RCAN2: variants seen among roughly 807,000 people sequenced by gnomAD.
RCAN2 encodes the protein calcipressin-2.
In RCAN2, 9 loss-of-function variants were observed where a neutral mutation model predicts 23.6. That is an observed-to-expected ratio of 0.38 (90% CI 0.23 to 0.67). The LOEUF (loss-of-function observed/expected upper bound fraction) is 0.67. RCAN2 is among the 30% of genes least tolerant of loss of function. The pLI, the probability that RCAN2 is intolerant of heterozygous loss-of-function variation, is 0.51. For synonymous variants in RCAN2, 109 were observed against 115.7 expected (o/e 0.94, Z 0.37); for missense variants, 273 against 302.3 (o/e 0.90, Z 0.72).
At chr6:46,241,343 TCTAGGTCA>T (rs1361495926) in intron 4 of RCAN2, among the ~76,000 whole-genome samples, 2 of 152,206 alleles carry the variant, frequency 1.3e-5, no homozygotes, top group Non-Finnish European at 2.9e-5. Flanking sequence ...TCTTATTCTG[TCTAGGTCA>T]CTGTTAAACT....
chr6:46,292,802 C>T (rs536199254), intron 2 of RCAN2, among the ~76,000 whole-genome samples: 2 of 152,092 alleles, frequency 1.3e-5, no homozygotes, highest in Non-Finnish European at 2.9e-5. Context: ...ATACATGTGC[C>T]ATGGTGGTTT....
At chr6:46,455,390 G>C (rs9367247) in intron 2 of RCAN2, among the ~76,000 whole-genome samples, 77,342 of 151,824 alleles carry the variant, frequency 0.51, 20,019 homozygotes, top group East Asian at 0.61. Context: ...GGATGGTTTT[G>C]TCTGTGGCTA....
chr6:46,417,568 C>T (rs1340204044), intron 2 of RCAN2, among the ~76,000 whole-genome samples: 1 of 152,140 alleles, frequency 6.6e-6, no homozygotes, highest in Non-Finnish European at 1.5e-5. Flanking sequence ...GAAAGAATCC[C>T]TCTATCATTC....
At chr6:46,465,385 T>C (rs78749346) in intron 1 of RCAN2, among the ~76,000 whole-genome samples, 272 of 152,262 alleles carry the variant, frequency 1.8e-3, no homozygotes, top group African/African-American at 5.9e-3. Flanking sequence ...CATGTTCAAA[T>C]TGGATAATTT....
In RCAN2 at chr6:46,236,789, CA is replaced by C. The variant is rs1358292714; in HGVS notation, c.571+9958del. Among the ~76,000 whole-genome samples, 16 of 152,346 alleles carry C rather than the reference CA, an allele frequency of 1.1e-4. No homozygotes were observed. In the South Asian group the frequency reaches 1.7e-3, roughly 16 times the overall value. ...ATCTATCCTCTTATCAGCATTCTAT[CA>C]GTGCTAGCACACAGTAGGTGTCATA... On this transcript the variant is annotated intron_variant, in intron 4 of 4. Transcript: ENST00000371374.
intron 4 of RCAN2, among the ~76,000 whole-genome samples, chr6:46,230,222 G>A (rs531646954): frequency 1.2e-4 from 18 of 152,320 alleles, no homozygotes; most frequent in African/African-American, 4.3e-4. Context: ...CTACTCAGGG[G>A]TCAGGGAACC....
chr6:46,426,828 A>C (rs1468406899), intron 2 of RCAN2, among the ~76,000 whole-genome samples: 1 of 152,224 alleles, frequency 6.6e-6, no homozygotes, highest in Non-Finnish European at 1.5e-5. Context: ...TGTTTAAGTA[A>C]CTTGCTCAAG....
chr6:46,268,536 G>C (rs1029283314), intron 2 of RCAN2, among the ~76,000 whole-genome samples: 1 of 152,126 alleles, frequency 6.6e-6, no homozygotes, highest in African/African-American at 2.4e-5. Flanking sequence ...ATTTTACATT[G>C]TGTGAGAAAA....
chr6:46,231,320 A>T (rs1765879156), intron 4 of RCAN2, among the ~76,000 whole-genome samples: 1 of 152,158 alleles, frequency 6.6e-6, no homozygotes, highest in African/African-American at 2.4e-5. Context: ...CTTCAGAGAC[A>T]GCATGGTCCT....
intron 1 of RCAN2, among the ~76,000 whole-genome samples, chr6:46,480,231 C>T (rs1222638785): frequency 1.3e-5 from 2 of 152,152 alleles, no homozygotes; most frequent in Non-Finnish European, 2.9e-5. Context: ...TCCTCAGTTT[C>T]CTCATCTAAA....
chr6:46,243,809 C>CAAAAAAAAAAAAA (rs376524527), intron 4 of RCAN2, among the ~76,000 whole-genome samples: 1 of 55,030 alleles, frequency 1.8e-5, no homozygotes, highest in Non-Finnish European at 3.0e-5. Flanking sequence ...GATTCTGTCT[C>CAAAAAAAAAAAAA]AAAAAAAAAA....
chr6:46,224,867 C>T (rs1310170450), intron 4 of RCAN2, among the ~76,000 whole-genome samples: 1 of 151,916 alleles, frequency 6.6e-6, no homozygotes, highest in Non-Finnish European at 1.5e-5. Context: ...TATACATGTG[C>T]CATGTTGGTG....
intron 2 of RCAN2, among the ~76,000 whole-genome samples, chr6:46,288,160 A>G (rs948199801): frequency 6.6e-6 from 1 of 152,222 alleles, no homozygotes; most frequent in African/African-American, 2.4e-5. Context: ...CTCACGTTGC[A>G]GCAACAGGCA....
Position 46,221,486 on chromosome 6 carries a change from T to C in RCAN2, c.*1655A>G, listed in dbSNP as rs1765474314. 6.5e-6 allele frequency: 1 copy of C among 154,362 alleles called. No homozygotes were observed. Among genetic ancestry groups the C allele is most frequent in the Non-Finnish European group, 1.4e-5 (1 of 69,256 alleles). 9.6% of individuals were successfully genotyped at this position (154,362 alleles called of 1,614,324 possible). A position where few individuals can be genotyped will look rare whatever the true frequency, so the allele number is the denominator to read the frequency against. On this transcript the variant is annotated 3_prime_UTR_variant, in exon 5 of 5. Transcript: ENST00000371374. ...TATGCTTATTGTACACTCCTCAGATTTTATTTTTAAAAGGAGTTTTCATTT... is the reference window on the plus strand; with the variant it reads ...TATGCTTATTGTACACTCCTCAGATCTTATTTTTAAAAGGAGTTTTCATTT...
At chr6:46,441,159 C>G (rs2150422575) in intron 2 of RCAN2, among the ~76,000 whole-genome samples, 1 of 152,284 alleles carries the variant, frequency 6.6e-6, no homozygotes, top group South Asian at 2.1e-4. Flanking sequence ...CTAAGAAGGT[C>G]TAGTATTATG....
intron 1 of RCAN2, among the ~76,000 whole-genome samples, chr6:46,459,701 G>C (rs1284031129): frequency 6.6e-6 from 1 of 152,194 alleles, no homozygotes; most frequent in Non-Finnish European, 1.5e-5. Context: ...CTGGAACTCA[G>C]TTTATCCTTG....
chr6:46,343,325 T>C (rs1764386035), intron 2 of RCAN2, among the ~76,000 whole-genome samples: 1 of 152,064 alleles, frequency 6.6e-6, no homozygotes, highest in African/African-American at 2.4e-5. Context: ...AGGTAAACCC[T>C]TATGTATTTC....
chr6:46,459,400 C>A (rs1009913744), intron 1 of RCAN2, among the ~76,000 whole-genome samples: 75 of 152,174 alleles, frequency 4.9e-4, no homozygotes, highest in African/African-American at 1.8e-3. Context: ...CATTGCCGAA[C>A]AAATTAATTA....
chr6:46,256,150 G>A (rs1582036178), intron 2 of RCAN2, among the ~76,000 whole-genome samples: 2 of 151,886 alleles, frequency 1.3e-5, no homozygotes, highest in African/African-American at 4.8e-5. Flanking sequence ...CAGGAGGATC[G>A]CCTGGGGTCA....
Sources: gnomAD v4.1 joint callset for allele counts (sites outside exome capture counted in the v4.1 genomes callset) on GRCh38, gnomAD v4.1.1 for gene constraint, MANE v1.5 for transcripts, NCBI Gene and HGNC (gene_info 2026-07-23, HGNC 2026-07-21) for gene names.